SERPINA5: variants seen among roughly 807,000 people sequenced by gnomAD.
SERPINA5 encodes serpin family A member 5.
In SERPINA5, 25 loss-of-function variants were observed where a neutral mutation model predicts 25.3. The observed-to-expected ratio is 0.99, with a 90% CI of 0.72 to 1.38. SERPINA5 has a LOEUF of 1.38. Ranked by LOEUF, SERPINA5 falls within the 40% of genes most tolerant of loss-of-function variation. SERPINA5 has a pLI of 0.00. For missense variants in SERPINA5, 599 were observed against 509.5 expected (o/e 1.18, Z -1.69); for synonymous variants, 234 against 206.2 (o/e 1.14, Z -1.16).
At position 94,587,744 on chromosome 14, in the gene SERPINA5, A is replaced by G. The variant is rs375246074; in HGVS notation, c.382A>G (p.Ser128Gly). ...LNQPRDGFQL[S>G]LGNALFTDLV... The stretch of plus-strand genomic sequence containing the variant: ...CCAGCCCAGAGATGGCTTCCAGCTG[A>G]GCCTCGGCAATGCCCTTTTCACCGA... The change falls in exon 3 of 6, where the codon AGC (serine) becomes GGC (glycine). Residue 128 changes from serine to glycine, a missense_variant. Coordinates refer to ENST00000329597, the MANE Select transcript of SERPINA5 (RefSeq NM_000624.6). 1.9e-6 allele frequency: 3 copies of G among 1,614,206 alleles called. No individual in the cohort carries two copies. The highest frequency in any genetic ancestry group is 2.5e-6 in the Non-Finnish European group (3 of 1,180,044).
Position 94,590,284 on chromosome 14 carries a change from G to A in SERPINA5, c.863G>A (p.Arg288Lys). 2 of 1,609,312 alleles carry A rather than the reference G, an allele frequency of 1.2e-6. No homozygotes were observed. The highest frequency in any genetic ancestry group is 1.1e-5 in the South Asian group (1 of 90,680). ...VENGLSEKTL[R>K]KWLKMFKKRQ... ...AATGGACTGAGTGAGAAAACGCTGA[G>A]GAAGTGGCTTAAGATGTTCAAAAAG... Residue 288 changes from arginine to lysine, a missense_variant, in exon 4 of 6, where the codon AGG (arginine) becomes AAG (lysine). Coordinates refer to ENST00000329597, the MANE Select transcript of SERPINA5 (RefSeq NM_000624.6).
Position 94,592,289 on chromosome 14 carries a change from G to A in SERPINA5, c.*50G>A. 1 of 1,561,408 alleles carries A rather than the reference G, an allele frequency of 6.4e-7. No homozygotes were observed. Among genetic ancestry groups the A allele is most frequent in the Non-Finnish European group, 8.7e-7 (1 of 1,146,646 alleles). On this transcript the variant is annotated 3_prime_UTR_variant, in exon 6 of 6. Coordinates refer to ENST00000329597, the MANE Select transcript of SERPINA5 (RefSeq NM_000624.6). ...AGGCCTCAGGGTGGGAGATGAAGGG[G>A]GCTAAGCTATGGCCCATCTGTATGC...
intron 3 of SERPINA5, among the ~76,000 whole-genome samples, chr14:94,588,809 A>G (rs1367009995): frequency 6.6e-6 from 1 of 152,194 alleles, no homozygotes; most frequent in African/African-American, 2.4e-5. Context: ...TCCTTGGTTC[A>G]TAGAGAGTGC....
chr14:94,581,956 T>C (rs1431015113), intron 2 of SERPINA5: 1 of 152,152 alleles, frequency 6.6e-6, no homozygotes, highest in Non-Finnish European at 1.5e-5. Context: ...GACCCTGAAA[T>C]AAGGCCATGG....
rs748137795 is a variant in SERPINA5 at position 94,592,258 on chromosome 14, A to T, written c.*19A>T. ...CCCCTGAGGTGGGGCTTCTCCTGAA[A>T]TCTACAGGCCTCAGGGTGGGAGATG... On this transcript the variant is annotated 3_prime_UTR_variant, in exon 6 of 6. Coordinates refer to ENST00000329597, the MANE Select transcript of SERPINA5 (RefSeq NM_000624.6). The T allele has an allele frequency of 3.1e-6, 5 of 1,605,418 alleles. No homozygotes were observed. The South Asian group carries it at 5.6e-5, about 18-fold the overall frequency.
At chr14:94,591,869 T>G (rs1208627027) in intron 5 of SERPINA5, among the ~76,000 whole-genome samples, 188 bp from the exon 6 acceptor site, 1 of 152,216 alleles carries the variant, frequency 6.6e-6, no homozygotes, top group African/African-American at 2.4e-5. Context: ...GACAGACACA[T>G]GCGAAGTCAC....
intron 3 of SERPINA5, 101 bp downstream of exon 3, chr14:94,588,082 G>A (rs117853140): frequency 6.6e-5 from 97 of 1,461,476 alleles, no homozygotes; most frequent in Non-Finnish European, 8.3e-5. Context: ...CGGGGAGTAC[G>A]TTAAGTTCTT....
At chr14:94,586,756 CCCCT>C (rs1885099180) in intron 2 of SERPINA5, 1 of 152,312 alleles carries the variant, frequency 6.6e-6, no homozygotes, top group African/African-American at 2.4e-5. Context: ...CATGGAGCAG[CCCCT>C]GGGGGAAGGA....
intron 2 of SERPINA5, among the ~76,000 whole-genome samples, chr14:94,583,715 C>T (rs1005432770): frequency 6.6e-6 from 1 of 152,206 alleles, no homozygotes; most frequent in African/African-American, 2.4e-5. Context: ...CACCACCTCC[C>T]ACCTCAATTC....
In SERPINA5 at chr14:94,587,993, G is replaced by A. The variant is rs766019886; in HGVS notation, c.619+12G>A. 14 of 1,607,920 alleles carry A rather than the reference G, an allele frequency of 8.7e-6. No homozygotes were observed. Among genetic ancestry groups the A allele is most frequent in the Non-Finnish European group, 1.0e-5 (12 of 1,176,138 alleles). On this transcript the variant is annotated intron_variant, in intron 3 of 5. Transcript: ENST00000329597. Reference sequence around the variant, plus strand: ...CATCTTCTTTAAAGGTAAGGCCCTTGGGCCCAAACCTGCACTTTCTTTGGC... The same window carrying A: ...CATCTTCTTTAAAGGTAAGGCCCTTAGGCCCAAACCTGCACTTTCTTTGGC...
intron 5 of SERPINA5, among the ~76,000 whole-genome samples, chr14:94,591,720 C>CA (rs1885308165): frequency 6.6e-6 from 1 of 152,128 alleles, no homozygotes; most frequent in Non-Finnish European, 1.5e-5. Context: ...TTAAGGAGTC[C>CA]TGTTTTAAAC....
At position 94,590,752 on chromosome 14, in the gene SERPINA5, G is replaced by A. The variant is rs778594316; in HGVS notation, c.894G>A (p.Gln298=). The A allele has an allele frequency of 1.2e-6, 2 of 1,613,632 alleles. No individual in the cohort carries two copies. Among genetic ancestry groups the A allele is most frequent in the South Asian group, 2.2e-5 (2 of 91,022 alleles). The part of the protein sequence containing the change: ...RKWLKMFKKR[Q]LELYLPKFSI... ...AAAGCTCCTTTTCCCTTTCCAGGCAGCTCGAGCTTTACCTTCCCAAATTCT... is the reference window on the plus strand; with the variant it reads ...AAAGCTCCTTTTCCCTTTCCAGGCAACTCGAGCTTTACCTTCCCAAATTCT... The change falls in exon 5 of 6, where the codon CAG becomes CAA. Residue 298 remains glutamine (Q), a synonymous_variant. Transcript: ENST00000329597.
chr14:94,591,106 G>GC, intron 5 of SERPINA5, among the ~76,000 whole-genome samples: 1 of 129,778 alleles, frequency 7.7e-6, no homozygotes, highest in Admixed American at 8.0e-5. Context: ...ACTCTATTCA[G>GC]TTCCACTCCA....
intron 4 of SERPINA5, 116 bp downstream of exon 4, chr14:94,590,427 C>G: frequency 7.6e-7 from 1 of 1,319,420 alleles, no homozygotes; most frequent in Non-Finnish European, 1.0e-6. Context: ...AAGGAGCTGC[C>G]TCCAGGCCCA....
intron 2 of SERPINA5, among the ~76,000 whole-genome samples, chr14:94,584,428 G>A (rs975595395): frequency 6.6e-6 from 1 of 152,042 alleles, no homozygotes; most frequent in Non-Finnish European, 1.5e-5. Flanking sequence ...AGATTTCTGG[G>A]TCTCAAACAT....
chr14:94,592,084 G>A lies in SERPINA5; in HGVS notation c.1066G>A (p.Asp356Asn). Reference protein sequence around the residue: ...EMVHKAVVEVDESGTRAAAAT... With the variant: ...EMVHKAVVEVNESGTRAAAAT... ...GGTGCACAAAGCTGTGGTGGAGGTG[G>A]ACGAGTCGGGAACCAGAGCAGCGGC... Residue 356 changes from aspartate (D) to asparagine (N), a missense_variant, in exon 6 of 6, where the codon GAC becomes AAC. Physicochemically the swap from Asp to Asn is conservative, Grantham distance 23. Coordinates refer to ENST00000329597, the MANE Select transcript of SERPINA5 (RefSeq NM_000624.6). 6.2e-7 allele frequency: 1 copy of A among 1,613,722 alleles called. No individual in the cohort carries two copies. The highest frequency in any genetic ancestry group is 8.5e-7 in the Non-Finnish European group (1 of 1,179,760).
chr14:94,588,375 G>A (rs190213534), intron 3 of SERPINA5, among the ~76,000 whole-genome samples: 27 of 152,252 alleles, frequency 1.8e-4, no homozygotes, highest in African/African-American at 4.6e-4. Context: ...CCAGTCCCCC[G>A]TATCCCTCAG....
intron 2 of SERPINA5, among the ~76,000 whole-genome samples, chr14:94,586,046 A>C (rs1260641531): frequency 1.3e-5 from 2 of 152,202 alleles, no homozygotes; most frequent in Non-Finnish European, 2.9e-5. Context: ...CAGTGGCTTC[A>C]GAGCCTGAGC....
chr14:94,591,422 C>G (rs531645235), intron 5 of SERPINA5, among the ~76,000 whole-genome samples: 1 of 149,692 alleles, frequency 6.7e-6, no homozygotes. Context: ...TTCCATTCTA[C>G]TCTATTCTAT....
Sources: allele counts gnomAD v4.1 joint callset (sites outside exome capture counted in the v4.1 genomes callset), GRCh38; gene constraint gnomAD v4.1.1; transcripts MANE v1.5; gene names NCBI Gene and HGNC (gene_info 2026-07-23, HGNC 2026-07-21).